The following PCDH19 variants were observed in gnomAD, a reference collection of about 807,000 sequenced individuals.
PCDH19 encodes the protein protocadherin-19.
A neutral mutation model predicts 46.2 loss-of-function variants in PCDH19; 6 were observed. The ratio of observed to expected loss-of-function variants is 0.13; its 90% confidence interval spans 0.07 to 0.26. PCDH19 has a LOEUF of 0.26. Among genes scored for constraint, PCDH19 ranks in the 10% least tolerant of loss-of-function variants. The probability of loss-of-function intolerance (pLI) is 1.00; values close to 1 mark genes in which losing one functional copy is unlikely to be tolerated. For synonymous variants in PCDH19, 481 were observed against 415.7 expected (o/e 1.16, Z -1.91); for missense variants, 740 against 972.3 (o/e 0.76, Z 3.18).
chrX:100,354,185 CA>C, intron 3 of PCDH19, among the ~76,000 whole-genome samples: 1 of 111,604 alleles, frequency 9.0e-6, no homozygotes, highest in Non-Finnish European at 1.9e-5. Context: ...GGTGTATGCC[CA>C]AACCCAACTC....
intron 5 of PCDH19, among the ~76,000 whole-genome samples, chrX:100,337,969 CA>C (rs1165238591): frequency 9.0e-6 from 1 of 111,555 alleles, no homozygotes; most frequent in African/African-American, 3.3e-5. Flanking sequence ...TAAATTTAGA[CA>C]TTTTTAAAAA....
At position 100,409,632 on chromosome X, in the gene PCDH19, C is replaced by T; in HGVS notation, c.-1035G>A. ...GAAGGGGAGGCAACAACAGTACCGGCCAGGAGAGGCGGGGCCGCCGCCGTG... is the reference window on the plus strand; with the variant it reads ...GAAGGGGAGGCAACAACAGTACCGGTCAGGAGAGGCGGGGCCGCCGCCGTG... On this transcript the variant is annotated 5_prime_UTR_variant, in exon 1 of 6. Transcript: ENST00000373034. The T allele has an allele frequency of 5.3e-6, 1 of 190,121 alleles. No homozygotes were observed. Among genetic ancestry groups the T allele is most frequent in the Non-Finnish European group, 9.5e-6 (1 of 105,684 alleles). 15.7% of individuals were successfully genotyped at this position (190,121 alleles called of 1,213,427 possible).
At chrX:100,342,211 G>T in intron 4 of PCDH19, 136 bp from the exon 5 acceptor site, 1 of 556,471 alleles carries the variant, frequency 1.8e-6, no homozygotes, top group Non-Finnish European at 3.1e-6. Context: ...ATAAGGGGAA[G>T]AGAAATTTGT....
Position 100,403,651 on chromosome X carries a change from T to C in PCDH19, c.2161A>G (p.Ile721Val), listed in dbSNP as rs1928263653. 1 of 1,202,243 alleles carries C rather than the reference T, an allele frequency of 8.3e-7. No homozygotes were observed. The highest frequency in any genetic ancestry group is 1.1e-6 in the Non-Finnish European group (1 of 890,897). ...ATAAAACAGCCGAGGAGACAAGTGA[T>C]GGTTAAACAATTACTGCAAAGGAAT... ...RTYNCSNCLTITCLLGCFIKG... is the reference protein window; with the variant it reads ...RTYNCSNCLTVTCLLGCFIKG... The change falls in exon 2 of 6, where the codon ATC (isoleucine) becomes GTC (valine). Residue 721 changes from isoleucine (I) to valine (V), a missense_variant. Transcript: ENST00000373034.
chrX:100,363,856 C>CATGTGTGTGTGT (rs57620335), intron 3 of PCDH19, among the ~76,000 whole-genome samples: 42,630 of 88,573 alleles, frequency 0.48, 8,680 homozygotes, highest in East Asian at 0.81. Context: ...AATGTGCGTG[C>CATGTGTGTGTGT]GTGTGTGTGT....
At chrX:100,378,513 T>G (rs1313284972) in intron 3 of PCDH19, among the ~76,000 whole-genome samples, 1 of 112,627 alleles carries the variant, frequency 8.9e-6, no homozygotes, top group Non-Finnish European at 1.9e-5. Flanking sequence ...CCGTGTCTGA[T>G]GCTTTCCAAT....
At chrX:100,390,980 G>A (rs1927845450) in intron 3 of PCDH19, among the ~76,000 whole-genome samples, 1 of 111,364 alleles carries the variant, frequency 9.0e-6, no homozygotes, top group Admixed American at 9.6e-5. Flanking sequence ...CTGTTGCAAG[G>A]TATTAAAATG....
rs1928415240 is a variant in PCDH19 at position 100,407,598 on chromosome X, C to G, written c.1000G>C (p.Val334Leu). ...NSIPAHCKVT[V>L]SVLDTNDNPP... ...TTGTCATTGGTGTCCAGCACGCTGA[C>G]GGTGACCTTGCAGTGTGCCGGGATG... The change falls in exon 1 of 6, where the codon GTC becomes CTC. Residue 334 changes from valine (V) to leucine (L), a missense_variant. This residue lies in a region of PCDH19 where 186 missense variants were observed against 319.9 expected (regional missense o/e 0.58). Transcript: ENST00000373034. 1 of 1,210,384 alleles carries G rather than the reference C, an allele frequency of 8.3e-7. No individual in the cohort carries two copies. The highest frequency in any genetic ancestry group is 1.7e-5 in the African/African-American group (1 of 57,431).
chrX:100,296,848 T>A lies in PCDH19; in HGVS notation c.2876A>T (p.Glu959Val). The stretch of plus-strand genomic sequence containing the variant: ...AGAGTGGCCAAGAATCCGGCATTCT[T>A]CCCGGCAATGAAATCCTTCATTCTG... ...HDQNEGFHCREECRILGHSDR... is the reference protein window; with the variant it reads ...HDQNEGFHCRVECRILGHSDR... The change falls in exon 6 of 6, where the codon GAA becomes GTA. Residue 959 changes from glutamate (E) to valine (V), a missense_variant. Physicochemically the swap from Glu to Val is moderately radical, Grantham distance 121. Transcript: ENST00000373034. 1 of 1,208,900 alleles carries A rather than the reference T, an allele frequency of 8.3e-7. No homozygotes were observed. Among genetic ancestry groups the A allele is most frequent in the East Asian group, 3.0e-5 (1 of 33,806 alleles).
In PCDH19 at chrX:100,379,347, A is replaced by ACACACACACAC. The variant is rs66715683; in HGVS notation, c.2616+23176_2616+23177insGTGTGTGTGTG. The stretch of plus-strand genomic sequence containing the variant: ...CACACACACACACACACACACACAC[A>ACACACACACAC]CATTTCCTCCCAGCTCTCAGGAACA... On this transcript the variant is annotated intron_variant, in intron 3 of 5. Transcript: ENST00000373034. 1.5e-3 allele frequency among the ~76,000 whole-genome samples: 95 copies of ACACACACACAC among 65,254 alleles called. 2 individuals are homozygous for ACACACACACAC. The highest frequency in any genetic ancestry group is 7.2e-3 in the East Asian group (19 of 2,645). The allele number at this position is 65,254 out of a possible 115,157, so 56.7% of individuals were successfully genotyped here. A position where few individuals can be genotyped will look rare whatever the true frequency, so the allele number is the denominator to read the frequency against.
At chrX:100,362,550 T>G (rs941069240) in intron 3 of PCDH19, among the ~76,000 whole-genome samples, 1 of 109,805 alleles carries the variant, frequency 9.1e-6, no homozygotes, top group Admixed American at 9.8e-5. Flanking sequence ...TCCCAGCACT[T>G]TGGGAGGCCG....
intron 5 of PCDH19, among the ~76,000 whole-genome samples, chrX:100,322,865 A>ATATATATTTTTTTTT: frequency 0.018 from 954 of 54,127 alleles, 26 homozygotes; most frequent in Non-Finnish European, 0.027. Context: ...ATATATATAT[A>ATATATATTTTTTTTT]TTTTTGCAGC....
Position 100,407,748 on chromosome X carries a change from G to A in PCDH19, c.850C>T (p.Arg284Cys). 1 of 1,212,208 alleles carries A rather than the reference G, an allele frequency of 8.2e-7. No individual in the cohort carries two copies. The highest frequency in any genetic ancestry group is 1.1e-6 in the Non-Finnish European group (1 of 895,595). Reference protein sequence around the residue: ...VYSFYGYVNDRTRELFQIDPH... With the variant: ...VYSFYGYVNDCTRELFQIDPH... ...TCGATCTGAAAGAGCTCGCGCGTGC[G>A]GTCGTTGACGTAGCCATAGAAGGAG... Residue 284 changes from arginine to cysteine, a missense_variant, in exon 1 of 6, where the codon CGC (arginine) becomes TGC (cysteine). By Grantham distance (180) the Arg-to-Cys change is radical. This residue lies in a region of PCDH19 where 186 missense variants were observed against 319.9 expected (regional missense o/e 0.58). Transcript: ENST00000373034.
intron 3 of PCDH19, among the ~76,000 whole-genome samples, chrX:100,390,990 G>GA (rs1927845776): frequency 9.0e-6 from 1 of 111,447 alleles, no homozygotes; most frequent in Admixed American, 9.6e-5. Flanking sequence ...GTATTAAAAT[G>GA]AAAAAACTTT....
chrX:100,403,400 G>A (rs1928252806), intron 2 of PCDH19, 124 bp downstream of exon 2: 11 of 637,849 alleles, frequency 1.7e-5, no homozygotes, highest in Admixed American at 3.1e-5. Context: ...CCATTCTTTC[G>A]CGTCTCCTCC....
At chrX:100,346,442 C>T (rs1484879041) in intron 4 of PCDH19, among the ~76,000 whole-genome samples, 1 of 111,686 alleles carries the variant, frequency 9.0e-6, no homozygotes, top group Non-Finnish European at 1.9e-5. Flanking sequence ...TCACAATCAC[C>T]TTGGGAACCT....
chrX:100,312,104 T>TGAGAGAGAGA (rs5903157), intron 5 of PCDH19, among the ~76,000 whole-genome samples: 3 of 103,623 alleles, frequency 2.9e-5, no homozygotes, highest in East Asian at 6.2e-4. Flanking sequence ...CCTAAAACAT[T>TGAGAGAGAGA]GAGAGAGAGA....
chrX:100,381,204 A>G (rs1927544565), intron 3 of PCDH19, among the ~76,000 whole-genome samples: 1 of 112,204 alleles, frequency 8.9e-6, no homozygotes, highest in South Asian at 3.7e-4. Context: ...CTAAACATGT[A>G]ATATTACCTA....
intron 5 of PCDH19, among the ~76,000 whole-genome samples, chrX:100,334,762 G>GTT (rs1218814827): frequency 9.2e-6 from 1 of 108,752 alleles, no homozygotes; most frequent in East Asian, 2.9e-4. Context: ...CAACGTGTGT[G>GTT]TGTGTGTGTG....
Sources: gnomAD v4.1 joint callset for allele counts (sites outside exome capture counted in the v4.1 genomes callset) on GRCh38, gnomAD v4.1.1 for gene constraint, gnomAD v4.1.1 regional missense constraint, MANE v1.5 for transcripts, NCBI Gene and HGNC (gene_info 2026-07-23, HGNC 2026-07-21) for gene names.